The following FBXL18 variants were observed in gnomAD, a reference collection of about 807,000 sequenced individuals.
FBXL18 encodes the protein F-box/LRR-repeat protein 18.
FBXL18 carries 36 observed loss-of-function variants against 46.0 expected under a neutral mutation model. That is an observed-to-expected ratio of 0.78 (90% CI 0.60 to 1.03). The LOEUF is 1.03. FBXL18 is among the 50% of genes least tolerant of loss of function. The probability of loss-of-function intolerance (pLI) is 0.00; values close to 1 mark genes in which losing one functional copy is unlikely to be tolerated. For missense variants in FBXL18, 977 were observed against 1,004.1 expected (o/e 0.97, Z 0.36); for synonymous variants, 557 against 465.3 (o/e 1.20, Z -2.54).
chr7:5,490,209 C>A (rs759304918), intron 4 of FBXL18: 1 of 1,340,052 alleles, frequency 7.5e-7, no homozygotes, highest in South Asian at 1.1e-5. Flanking sequence ...TCACCTCTCC[C>A]CACCTGCAGG....
chr7:5,468,806 G>A (rs1783384206), intron 4 of FBXL18, among the ~76,000 whole-genome samples: 1 of 151,832 alleles, frequency 6.6e-6, no homozygotes, highest in African/African-American at 2.4e-5. Context: ...TCACTATGTT[G>A]CCCAGGCTGA....
At chr7:5,513,215 G>T (rs1784586277) in intron 1 of FBXL18, among the ~76,000 whole-genome samples, 1 of 152,088 alleles carries the variant, frequency 6.6e-6, no homozygotes, top group Admixed American at 6.6e-5. Flanking sequence ...CACCCCCCAC[G>T]TCATTCAGCA....
chr7:5,465,295 G>C (rs1042479056), intron 4 of FBXL18, among the ~76,000 whole-genome samples: 1 of 151,928 alleles, frequency 6.6e-6, no homozygotes, highest in Non-Finnish European at 1.5e-5. Context: ...CCGCCTCCCT[G>C]GTTTGAGTGA....
intron 4 of FBXL18, among the ~76,000 whole-genome samples, chr7:5,457,756 G>A (rs932864299): frequency 6.6e-6 from 1 of 152,244 alleles, no homozygotes; most frequent in African/African-American, 2.4e-5. Context: ...TTTGGAGGGA[G>A]GAGGTGGCTG....
intron 4 of FBXL18, among the ~76,000 whole-genome samples, chr7:5,459,607 G>A (rs972507382): frequency 2.0e-5 from 3 of 152,120 alleles, no homozygotes; most frequent in Admixed American, 6.6e-5. Flanking sequence ...AGGCGTGGTA[G>A]CAGGCGCCTG....
At chr7:5,471,228 T>G (rs1783422077), downstream of FBXL18, among the ~76,000 whole-genome samples, 1 of 152,188 alleles carries the variant, frequency 6.6e-6, no homozygotes, top group Non-Finnish European at 1.5e-5. Context: ...CCTCTCGAGC[T>G]GGCTCTTCCG....
rs767982897 is a variant in FBXL18 at position 5,498,080 on chromosome 7, CT to C, written c.1781+2407del. 7.1e-3 allele frequency among the ~76,000 whole-genome samples: 993 copies of C among 138,990 alleles called. 4 individuals carry two copies. The highest frequency in any genetic ancestry group is 0.022 in the African/African-American group (813 of 37,132). 91.2% of individuals were successfully genotyped at this position (138,990 alleles called of 152,430 possible). On this transcript the variant is annotated intron_variant, in intron 3 of 4. Coordinates refer to ENST00000382368, the MANE Select transcript of FBXL18 (RefSeq NM_024963.6). ...TAATTTTTTTTCTTTTTTCTTTTTA[CT>C]TTTTTTTTTTTTTTTTTGAGACCGA...
Position 5,513,726 on chromosome 7 carries a change from C to T in FBXL18, c.-52G>A. 2 of 1,582,882 alleles carry T rather than the reference C, an allele frequency of 1.3e-6. No homozygotes were observed. Among genetic ancestry groups the T allele is most frequent in the Non-Finnish European group, 1.7e-6 (2 of 1,165,166 alleles). On this transcript the variant is annotated 5_prime_UTR_variant, in exon 1 of 5. Transcript: ENST00000382368. ...GCGGGATCCGCAACCCCGTGCCTCCCACCTGCCCGGCTAGGGATGCTCGAA... is the reference window on the plus strand; with the variant it reads ...GCGGGATCCGCAACCCCGTGCCTCCTACCTGCCCGGCTAGGGATGCTCGAA...
chr7:5,470,470 C>A (rs376715061), intron 4 of FBXL18, among the ~76,000 whole-genome samples: 1 of 152,194 alleles, frequency 6.6e-6, no homozygotes, highest in Non-Finnish European at 1.5e-5. Flanking sequence ...TGCCACGAAA[C>A]CCGAGAGCCA....
intron 4 of FBXL18, among the ~76,000 whole-genome samples, chr7:5,466,169 T>TA (rs995026212): frequency 1.8e-3 from 218 of 123,588 alleles, no homozygotes; most frequent in Non-Finnish European, 2.2e-3. Flanking sequence ...TCAGAGAATT[T>TA]AAAAAAAAAA....
chr7:5,494,754 C>T (rs1175487138), intron 3 of FBXL18, among the ~76,000 whole-genome samples: 2 of 152,164 alleles, frequency 1.3e-5, no homozygotes, highest in Non-Finnish European at 2.9e-5. Context: ...GAGATGGAAA[C>T]GGGGCGTTGG....
In FBXL18 at chr7:5,476,544, CA is replaced by C. The variant is rs1196678236; in HGVS notation, c.*5230del. The C allele has an allele frequency of 6.6e-6, 1 of 152,378 alleles. No homozygotes were observed. Among genetic ancestry groups the C allele is most frequent in the Admixed American group, 6.5e-5 (1 of 15,278 alleles). The allele number at this position is 152,378 out of a possible 1,614,324, so 9.4% of individuals were successfully genotyped here. ...GCAATGGTGCGATCTTGGCTCACTG[CA>C]ACATCCAACTCCTGGGCTCAAGCAA... is the stretch of plus-strand genomic sequence containing the variant. On this transcript the variant is annotated 3_prime_UTR_variant, in exon 5 of 5. Coordinates refer to ENST00000382368, the MANE Select transcript of FBXL18 (RefSeq NM_024963.6).
chr7:5,469,323 A>G (rs1783391476), intron 4 of FBXL18, among the ~76,000 whole-genome samples: 1 of 152,200 alleles, frequency 6.6e-6, no homozygotes, highest in South Asian at 2.1e-4. Context: ...GAGGCAGAAG[A>G]ATCGCTTGAA....
chr7:5,492,948 C>G (rs939456520), intron 3 of FBXL18, among the ~76,000 whole-genome samples: 1 of 152,192 alleles, frequency 6.6e-6, no homozygotes, highest in African/African-American at 2.4e-5. Flanking sequence ...ATCAATTGTC[C>G]TGGCAGCCCC....
intron 4 of FBXL18, among the ~76,000 whole-genome samples, chr7:5,460,244 G>A (rs142641656): frequency 1.4e-4 from 21 of 151,934 alleles, no homozygotes; most frequent in African/African-American, 4.6e-4. Context: ...AGTGAGACTC[G>A]GTCTCCAAAA....
intron 4 of FBXL18, among the ~76,000 whole-genome samples, chr7:5,465,296 GT>G (rs1257974424): frequency 2.0e-5 from 3 of 151,702 alleles, no homozygotes; most frequent in Non-Finnish European, 4.4e-5. Context: ...CGCCTCCCTG[GT>G]TTGAGTGATT....
At chr7:5,482,555 C>T (rs1783676755) in intron 4 of FBXL18, among the ~76,000 whole-genome samples, 1 of 145,662 alleles carries the variant, frequency 6.9e-6, no homozygotes, top group South Asian at 2.4e-4. Flanking sequence ...CACGAAAACT[C>T]ATGCACAATT....
Position 5,513,662 on chromosome 7 carries a change from C to T in FBXL18, c.13G>A (p.Gly5Arg), listed in dbSNP as rs1286881346. Residue 5 changes from glycine (G) to arginine (R), a missense_variant, in exon 1 of 5, where the codon GGA becomes AGA. By Grantham distance (125) the Gly-to-Arg change is moderately radical. Coordinates refer to ENST00000382368, the MANE Select transcript of FBXL18 (RefSeq NM_024963.6). MASS[G>R]EDISNDDDDM... ...GAGACAGTCGCGGACAGTACCTCTC[C>T]GGAGCTGGCCATGTCGCCGGCGGGT... The T allele has an allele frequency of 1.9e-6, 3 of 1,610,494 alleles. No individual in the cohort carries two copies. The highest frequency in any genetic ancestry group is 2.2e-5 in the East Asian group (1 of 44,676).
At chr7:5,484,782 G>A (rs1329999562) in intron 4 of FBXL18, among the ~76,000 whole-genome samples, 2 of 151,760 alleles carry the variant, frequency 1.3e-5, no homozygotes, top group South Asian at 2.1e-4. Flanking sequence ...AGGATTACAG[G>A]TGCCCGCCAC....
Sources: allele counts gnomAD v4.1 joint callset (sites outside exome capture counted in the v4.1 genomes callset), GRCh38; gene constraint gnomAD v4.1.1; transcripts MANE v1.5; gene names NCBI Gene and HGNC (gene_info 2026-07-23, HGNC 2026-07-21).